Variants in THRB observed in about 807,000 individuals in gnomAD.
The protein encoded by THRB is nuclear receptor subfamily 1 group A member 2.
THRB carries 12 observed loss-of-function variants against 47.8 expected under a neutral mutation model. That is an observed-to-expected ratio of 0.25 (90% CI 0.16 to 0.41). The LOEUF (loss-of-function observed/expected upper bound fraction) is 0.41. THRB is among the 10% of genes least tolerant of loss of function. THRB has a pLI of 1.00. For synonymous variants in THRB, 218 were observed against 212.2 expected (o/e 1.03, Z -0.24); for missense variants, 348 against 589.2 (o/e 0.59, Z 4.24).
chr3:24,288,822 G>A (rs143549869), intron 3 of THRB, among the ~76,000 whole-genome samples: 11 of 152,278 alleles, frequency 7.2e-5, no homozygotes, highest in South Asian at 2.1e-4. Context: ...AGTTCACTGC[G>A]TTTCTTAAGA....
chr3:24,363,402 AAACACAGGGTGCCTGAGCT>A (rs2064213067), intron 1 of THRB, among the ~76,000 whole-genome samples: 2 of 152,174 alleles, frequency 1.3e-5, no homozygotes, highest in Admixed American at 1.3e-4. Flanking sequence ...AACTCATGCC[AAACACAGGGTGCCTGAGCT>A]AGCTAATTGT....
chr3:24,385,607 T>C (rs1053221451), intron 1 of THRB, among the ~76,000 whole-genome samples: 1 of 152,136 alleles, frequency 6.6e-6, no homozygotes, highest in African/African-American at 2.4e-5. Context: ...TACATTATCA[T>C]TAGAGTACAG....
At chr3:24,372,849 C>T (rs1345376809) in intron 1 of THRB, among the ~76,000 whole-genome samples, 2 of 152,046 alleles carry the variant, frequency 1.3e-5, no homozygotes, top group Non-Finnish European at 2.9e-5. Context: ...AAAACAAAGA[C>T]TTCTGAAAAA....
intron 3 of THRB, among the ~76,000 whole-genome samples, chr3:24,247,357 A>G (rs2050205460): frequency 6.6e-6 from 1 of 152,316 alleles, no homozygotes; most frequent in Middle Eastern, 3.4e-3. Context: ...GATAAGTTCT[A>G]GGGAACCTGC....
intron 3 of THRB, among the ~76,000 whole-genome samples, chr3:24,256,859 G>A (rs948602988): frequency 6.6e-6 from 1 of 152,364 alleles, no homozygotes; most frequent in South Asian, 2.1e-4. Context: ...GAAAGTGGAA[G>A]AGTATGTTGA....
At chr3:24,321,797 C>CT (rs932957156) in intron 2 of THRB, among the ~76,000 whole-genome samples, 1 of 151,982 alleles carries the variant, frequency 6.6e-6, no homozygotes, top group Admixed American at 6.6e-5. Context: ...TCATACTTGC[C>CT]TAGTTCAAAT....
At chr3:24,263,294 T>A (rs1259423117) in intron 3 of THRB, among the ~76,000 whole-genome samples, 1 of 152,118 alleles carries the variant, frequency 6.6e-6, no homozygotes, top group African/African-American at 2.4e-5. Context: ...ATACACATTA[T>A]CTTATTTAAT....
intron 1 of THRB, among the ~76,000 whole-genome samples, chr3:24,363,788 T>G (rs2149675389): frequency 6.6e-6 from 1 of 152,240 alleles, no homozygotes; most frequent in East Asian, 1.9e-4. Flanking sequence ...CACTTCATAA[T>G]TTCCAAAAAA....
At chr3:24,431,659 A>G (rs897653241) in intron 1 of THRB, among the ~76,000 whole-genome samples, 1 of 152,144 alleles carries the variant, frequency 6.6e-6, no homozygotes, top group Non-Finnish European at 1.5e-5. Flanking sequence ...AACATGAACC[A>G]AAGACACATG....
rs67541584 is a variant in THRB at position 24,417,095 on chromosome 3, AACACACACACAC to A, written c.-261+77545_-261+77556del. 3.8e-3 allele frequency among the ~76,000 whole-genome samples: 519 copies of A among 135,264 alleles called. 2 individuals are homozygous for A. Among genetic ancestry groups the A allele is most frequent in the East Asian group, 7.8e-3 (30 of 3,834 alleles). 88.7% of individuals were successfully genotyped at this position (135,264 alleles called of 152,430 possible). On this transcript the variant is annotated intron_variant, in intron 1 of 10. Coordinates refer to ENST00000646209, the MANE Select transcript of THRB (RefSeq NM_001354712.2). ...CCATTGACTCATGAAATTTTAAACC[AACACACACACAC>A]ACACACACACACACACACACACACA...
chr3:24,352,528 A>G (rs1354903055), intron 1 of THRB, among the ~76,000 whole-genome samples: 2 of 152,216 alleles, frequency 1.3e-5, no homozygotes, highest in Non-Finnish European at 2.9e-5. Context: ...TTGCCTTCAC[A>G]GATGTCTACA....
chr3:24,307,268 A>C (rs2057415977), intron 2 of THRB, among the ~76,000 whole-genome samples: 1 of 152,054 alleles, frequency 6.6e-6, no homozygotes, highest in East Asian at 1.9e-4. Flanking sequence ...TTTGTTTAGA[A>C]CATAAAAGGA....
intron 1 of THRB, among the ~76,000 whole-genome samples, chr3:24,341,206 G>T (rs2062624721): frequency 9.1e-5 from 4 of 43,772 alleles, no homozygotes; most frequent in South Asian, 7.4e-4. Context: ...TCCTTTCTGT[G>T]GTAAAACAAT....
At chr3:24,392,080 T>A (rs187482497) in intron 1 of THRB, among the ~76,000 whole-genome samples, 12 of 152,294 alleles carry the variant, frequency 7.9e-5, no homozygotes, top group Admixed American at 3.9e-4. Flanking sequence ...TTTATGTGCA[T>A]CTTTTTATTG....
chr3:24,329,120 G>T (rs1017495273), intron 2 of THRB, among the ~76,000 whole-genome samples: 1 of 151,582 alleles, frequency 6.6e-6, no homozygotes, highest in Non-Finnish European at 1.5e-5. Context: ...CTAATTTTTT[G>T]ATTTTGTAGA....
chr3:24,305,657 T>G (rs979192987), intron 2 of THRB, among the ~76,000 whole-genome samples: 3 of 152,222 alleles, frequency 2.0e-5, no homozygotes, highest in African/African-American at 7.2e-5. Flanking sequence ...TAATATATTT[T>G]AATAATGAGG....
rs562815887 is a variant in THRB, at chr3:24,398,611, G to C, written c.-260-61240C>G. The stretch of plus-strand genomic sequence containing the variant: ...TGGAGAGGATGTGGAGAAAAAGGAA[G>C]ACTTTTACACTGTTGGTGGGACTGT... On this transcript the variant is annotated intron_variant, in intron 1 of 10. Coordinates refer to ENST00000646209, the MANE Select transcript of THRB (RefSeq NM_001354712.2). Among the ~76,000 whole-genome samples, 69 of 152,160 alleles carry C rather than the reference G, an allele frequency of 4.5e-4. 1 individual carries two copies. The South Asian group carries it at 0.014, about 30-fold the overall frequency.
intron 1 of THRB, among the ~76,000 whole-genome samples, chr3:24,474,483 C>G (rs1695157202): frequency 6.6e-6 from 1 of 152,180 alleles, no homozygotes; most frequent in Non-Finnish European, 1.5e-5. Flanking sequence ...CCAAACACAT[C>G]AGCCCTAACA....
chr3:24,238,138 G>C (rs1004215744), intron 3 of THRB: 1 of 152,032 alleles, frequency 6.6e-6, no homozygotes, highest in Non-Finnish European at 1.5e-5. Flanking sequence ...TTGAGGAAAC[G>C]TCTGACAGCA....
Sources: gnomAD v4.1 joint callset for allele counts (sites outside exome capture counted in the v4.1 genomes callset) on GRCh38, gnomAD v4.1.1 for gene constraint, MANE v1.5 for transcripts, NCBI Gene and HGNC (gene_info 2026-07-23, HGNC 2026-07-21) for gene names.